The following PDE6A variants were observed in gnomAD, a reference collection of about 807,000 sequenced individuals.
PDE6A encodes the protein phosphodiesterase 6A.
Under a neutral mutation model 106.3 loss-of-function variants are expected in PDE6A, and 84 were observed. That is an observed-to-expected ratio of 0.79 (90% CI 0.66 to 0.95). The LOEUF is 0.95. Among genes scored for constraint, PDE6A ranks in the 40% least tolerant of loss-of-function variants. The pLI is 0.00. For synonymous variants in PDE6A, 394 were observed against 386.6 expected (o/e 1.02, Z -0.23); for missense variants, 1,052 against 1,084.9 (o/e 0.97, Z 0.43).
At position 149,860,907 on chromosome 5, in the gene PDE6A, GCAGGACT is replaced by G; in HGVS notation, c.2564_2570del (p.Lys855ThrfsTer35). The G allele has an allele frequency of 6.2e-7, 1 of 1,613,998 alleles. No homozygotes were observed. The highest frequency in any genetic ancestry group is 1.1e-5 in the South Asian group (1 of 91,064). On this transcript the variant is annotated frameshift_variant, in exon 22 of 22. Transcript: ENST00000255266. LOFTEE classifies it high-confidence loss of function. ...ATCCCCAGTGGTGTTACTGGATGCA[GCAGGACT>G]TGGATGTAGTTGCACCCCCTGGGCT...
At chr5:149,927,922 A>G (rs1363330130) in intron 4 of PDE6A, among the ~76,000 whole-genome samples, 1 of 151,614 alleles carries the variant, frequency 6.6e-6, no homozygotes, top group Non-Finnish European at 1.5e-5. Context: ...GATCATCAAT[A>G]TCCCCATCTT....
intron 17 of PDE6A, 119 bp downstream of exon 17, chr5:149,883,310 T>C (rs1009665960): frequency 1.4e-6 from 1 of 728,540 alleles, no homozygotes; most frequent in Non-Finnish European, 2.5e-6. Flanking sequence ...TTTCATATGT[T>C]GAAGGCCTCC....
Position 149,858,271 on chromosome 5 carries a change from G to T in PDE6A, c.*2624C>A, listed in dbSNP as rs183299988. On this transcript the variant is annotated 3_prime_UTR_variant, in exon 22 of 22. Coordinates refer to ENST00000255266, the MANE Select transcript of PDE6A (RefSeq NM_000440.3). Reference sequence around the variant, plus strand: ...TATACCTCCATAAAGCTGGTGGTGGGGGGGGAACGATAGAGAAGGAAAAAA... The same window carrying T: ...TATACCTCCATAAAGCTGGTGGTGGTGGGGGAACGATAGAGAAGGAAAAAA... 2 of 152,228 alleles carry T rather than the reference G, an allele frequency of 1.3e-5. No homozygotes were observed. The highest frequency in any genetic ancestry group is 2.1e-4 in the South Asian group (1 of 4,820). 9.4% of individuals were successfully genotyped at this position (152,228 alleles called of 1,614,324 possible). A position where few individuals can be genotyped will look rare whatever the true frequency, so the allele number is the denominator to read the frequency against.
chr5:149,896,858 C>T (rs2113588479), intron 10 of PDE6A, 82 bp from the exon 11 acceptor site: 2 of 1,467,026 alleles, frequency 1.4e-6, no homozygotes, highest in East Asian at 4.5e-5. Flanking sequence ...TCTCCTTCCT[C>T]CAAAGTCCTT....
chr5:149,940,249 GGA>G (rs1754291517), intron 1 of PDE6A: 1 of 152,188 alleles, frequency 6.6e-6, no homozygotes, highest in Non-Finnish European at 1.5e-5. Context: ...CGTTATGAGG[GGA>G]AACGAGTGAG....
chr5:149,917,761 T>A (rs1753596953), intron 5 of PDE6A, among the ~76,000 whole-genome samples: 1 of 152,152 alleles, frequency 6.6e-6, no homozygotes, highest in South Asian at 2.1e-4. Context: ...ACTATGGGTG[T>A]TCTCTAGGCC....
intron 13 of PDE6A, among the ~76,000 whole-genome samples, chr5:149,890,344 G>T (rs1230812408): frequency 2.0e-5 from 3 of 152,112 alleles, no homozygotes; most frequent in Admixed American, 2.0e-4. Context: ...ATCTCAAAAA[G>T]ATATCTCTTC....
chr5:149,868,977 A>G (rs1760435501), intron 17 of PDE6A, among the ~76,000 whole-genome samples: 1 of 152,266 alleles, frequency 6.6e-6, no homozygotes, highest in Non-Finnish European at 1.5e-5. Flanking sequence ...AAAAAGAAAA[A>G]AGAAAACATA....
chr5:149,862,610 T>C (rs182301596), intron 21 of PDE6A, among the ~76,000 whole-genome samples: 65 of 152,172 alleles, frequency 4.3e-4, no homozygotes, highest in African/African-American at 1.5e-3. Flanking sequence ...ATACAAAAAT[T>C]AGCCAGGCAT....
Position 149,931,026 on chromosome 5 carries a change from A to C in PDE6A, c.858+2T>G. On this transcript the variant is annotated splice_donor_variant, in intron 4 of 21. Coordinates refer to ENST00000255266, the MANE Select transcript of PDE6A (RefSeq NM_000440.3). LOFTEE classifies it high-confidence loss of function. ...AAATGTCTGTTGCTGAAGTTTTCTCACCTTCTGCTTGGTCATGTCTAAGAG... is the reference window on the plus strand; with the variant it reads ...AAATGTCTGTTGCTGAAGTTTTCTCCCCTTCTGCTTGGTCATGTCTAAGAG... 1 of 1,613,986 alleles carries C rather than the reference A, an allele frequency of 6.2e-7. No homozygotes were observed. Among genetic ancestry groups the C allele is most frequent in the Non-Finnish European group, 8.5e-7 (1 of 1,179,938 alleles).
At chr5:149,923,261 G>C (rs1048814815) in intron 4 of PDE6A, among the ~76,000 whole-genome samples, 5 of 152,142 alleles carry the variant, frequency 3.3e-5, no homozygotes. Flanking sequence ...CATTTGGGAG[G>C]CTGAGGCGGA....
In PDE6A at chr5:149,863,162, C is replaced by A; in HGVS notation, c.2463G>T (p.Lys821Asn). The A allele has an allele frequency of 1.9e-6, 3 of 1,614,186 alleles. No individual in the cohort carries two copies. Among genetic ancestry groups the A allele is most frequent in the Non-Finnish European group, 2.5e-6 (3 of 1,180,040 alleles). The change falls in exon 21 of 22, where the codon AAG becomes AAT. Residue 821 changes from lysine (K) to asparagine (N), a missense_variant. This residue lies in a region of PDE6A where 135 missense variants were observed against 153.2 expected (regional missense o/e 0.88). Transcript: ENST00000255266. The surrounding 1 kb of genome is among the most constrained non-coding windows in gnomAD (Gnocchi z 4.7). ...ALADEYDAKMKVQEEKKQKQQ... is the reference protein window; with the variant it reads ...ALADEYDAKMNVQEEKKQKQQ... ...GTTTCTGCTTCTTCTCCTCCTGCAC[C>A]TTCATCTTGGCATCGTACTCATCAG...
intron 5 of PDE6A, among the ~76,000 whole-genome samples, chr5:149,919,998 G>A (rs1297008264): frequency 2.0e-5 from 3 of 152,096 alleles, no homozygotes; most frequent in Admixed American, 6.6e-5. Flanking sequence ...CAGATAAAGC[G>A]TGAGAGGGAT....
At position 149,944,658 on chromosome 5, in the gene PDE6A, C is replaced by T. The variant is rs1361773042; in HGVS notation, c.16G>A (p.Ala6Thr). 6.2e-7 allele frequency: 1 copy of T among 1,609,726 alleles called. No individual in the cohort carries two copies. Among genetic ancestry groups the T allele is most frequent in the Non-Finnish European group, 8.5e-7 (1 of 1,178,194 alleles). Residue 6 changes from alanine (A) to threonine (T), a missense_variant, in exon 1 of 22, where the codon GCA (alanine) becomes ACA (threonine). Physicochemically the swap from Ala to Thr is moderately conservative, Grantham distance 58. Around this residue, in one of 3 missense-constraint regions of PDE6A, gnomAD observed 913 missense variants for 915.2 expected, o/e 1.00. Transcript: ENST00000255266. MGEVT[A>T]EEVEKFLDSN... ...TCCAGGAACTTCTCCACCTCCTCTG[C>T]TGTCACCTCGCCCATGGCTGGGAAT...
intron 6 of PDE6A, among the ~76,000 whole-genome samples, chr5:149,913,149 A>G (rs1753437387): frequency 6.6e-6 from 1 of 152,196 alleles, no homozygotes; most frequent in African/African-American, 2.4e-5. Flanking sequence ...TGGGAGGCCA[A>G]GGTAGGTGAA....
chr5:149,903,748 C>G, intron 7 of PDE6A, 53 bp from the exon 8 acceptor site: 5 of 1,360,492 alleles, frequency 3.7e-6, no homozygotes, highest in Non-Finnish European at 5.3e-6. Flanking sequence ...GAGAGGGTGC[C>G]CAGTGAAGCA....
intron 3 of PDE6A, chr5:149,932,546 T>C (rs906389509): frequency 1.4e-6 from 2 of 1,446,026 alleles, no homozygotes; most frequent in African/African-American, 2.8e-5. Context: ...GAACTCCTTT[T>C]TGGAATCCCT....
At chr5:149,900,940 G>A (rs1191321116) in intron 8 of PDE6A, among the ~76,000 whole-genome samples, 1 of 152,070 alleles carries the variant, frequency 6.6e-6, no homozygotes, top group Non-Finnish European at 1.5e-5. Flanking sequence ...TGTTGAGACG[G>A]AGTTTTGCTC....
chr5:149,864,140 TG>T (rs1263138857), intron 20 of PDE6A, among the ~76,000 whole-genome samples: 4 of 152,110 alleles, frequency 2.6e-5, no homozygotes, highest in African/African-American at 9.7e-5. Flanking sequence ...GCAGGGACAT[TG>T]GCAGCCTCAT....
Sources: allele counts gnomAD v4.1 joint callset (sites outside exome capture counted in the v4.1 genomes callset), GRCh38; gene constraint gnomAD v4.1.1; regional missense constraint gnomAD v4.1.1; non-coding constraint Gnocchi (gnomAD v3.1); transcripts MANE v1.5; gene names NCBI Gene and HGNC (gene_info 2026-07-23, HGNC 2026-07-21).